PRKAR1B: variants seen among roughly 807,000 people sequenced by gnomAD.
PRKAR1B encodes cAMP-dependent protein kinase type I-beta regulatory subunit.
PRKAR1B carries 22 observed loss-of-function variants against 46.5 expected under a neutral mutation model. That is an observed-to-expected ratio of 0.47 (90% confidence interval 0.34 to 0.68). The LOEUF (loss-of-function observed/expected upper bound fraction) is 0.68. Among genes scored for constraint, PRKAR1B ranks in the 30% least tolerant of loss-of-function variants. The pLI, the probability that PRKAR1B is intolerant of heterozygous loss-of-function variation, is 0.01. For synonymous variants in PRKAR1B, 259 were observed against 217.7 expected, an observed-to-expected ratio of 1.19 and a Z score of -1.67; for missense variants, 445 against 535.6, an observed-to-expected ratio of 0.83 and a Z score of 1.67.
intron 3 of PRKAR1B, among the ~76,000 whole-genome samples, chr7:678,280 CAAAT>C (rs1001430992): frequency 6.6e-6 from 1 of 152,050 alleles, no homozygotes; most frequent in East Asian, 1.9e-4. Flanking sequence ...AAAAAATAAA[CAAAT>C]AAACATATCT....
chr7:660,560 C>G (rs1382005737), intron 4 of PRKAR1B, among the ~76,000 whole-genome samples: 1 of 110,296 alleles, frequency 9.1e-6, no homozygotes, highest in African/African-American at 3.6e-5. Context: ...GTCCAAATAC[C>G]TACTCTCCCC....
chr7:648,617 AC>A (rs1784740181), intron 4 of PRKAR1B, among the ~76,000 whole-genome samples: 2 of 151,966 alleles, frequency 1.3e-5, no homozygotes, highest in African/African-American at 4.8e-5. Flanking sequence ...TCTCAAAAAA[AC>A]AAACAAACAA....
intron 1 of PRKAR1B, among the ~76,000 whole-genome samples, chr7:720,452 T>C (rs1781034612): frequency 6.6e-6 from 1 of 152,270 alleles, no homozygotes; most frequent in Non-Finnish European, 1.5e-5. Context: ...GAAAATAATG[T>C]GAATTCTGCG....
At chr7:569,159 G>A (rs959203192) in intron 9 of PRKAR1B, among the ~76,000 whole-genome samples, 5 of 152,010 alleles carry the variant, frequency 3.3e-5, no homozygotes, top group African/African-American at 1.2e-4. Flanking sequence ...AAGACGCCTC[G>A]GCGTCCCTGT....
At chr7:637,626 G>T (rs548493537) in intron 4 of PRKAR1B, among the ~76,000 whole-genome samples, 23 of 152,216 alleles carry the variant, frequency 1.5e-4, no homozygotes, top group African/African-American at 5.3e-4. Flanking sequence ...CTGAGGTCAG[G>T]AGATCGAGAC....
rs369312041 is a variant in PRKAR1B, at chr7:557,053, G to A, written c.892-5583C>T. Among the ~76,000 whole-genome samples the A allele has an allele frequency of 7.0e-4, 106 of 152,304 alleles. No individual in the cohort carries two copies. The Middle Eastern group carries it at 0.01, about 15-fold the overall frequency. Reference sequence around the variant, plus strand: ...ACCAGGTGCGGCCCCTCCCACCCCCGGCCTGGGCCGGGCAGCTTCCGTTTC... The same window carrying A: ...ACCAGGTGCGGCCCCTCCCACCCCCAGCCTGGGCCGGGCAGCTTCCGTTTC... On this transcript the variant is annotated intron_variant, in intron 9 of 10. Coordinates refer to ENST00000537384, the MANE Select transcript of PRKAR1B (RefSeq NM_001164760.2).
intron 6 of PRKAR1B, among the ~76,000 whole-genome samples, chr7:601,563 C>T (rs151004877): frequency 6.6e-6 from 1 of 152,372 alleles, no homozygotes; most frequent in African/African-American, 2.4e-5. Flanking sequence ...ACCCTGCATG[C>T]GAAGGGCCTC....
At chr7:579,506 T>G in intron 8 of PRKAR1B, 129 bp from the exon 9 acceptor site, 4 of 1,198,256 alleles carry the variant, frequency 3.3e-6, no homozygotes, top group Non-Finnish European at 4.6e-6. Context: ...CCGTGACCAG[T>G]AAGCTGCATA....
intron 4 of PRKAR1B, among the ~76,000 whole-genome samples, chr7:662,266 C>T (rs1308923256): frequency 1.8e-5 from 2 of 111,874 alleles, no homozygotes; most frequent in Non-Finnish European, 3.6e-5. Context: ...TCCCCCACCC[C>T]AACGGGTCCA....
chr7:673,194 C>T (rs890719026), intron 4 of PRKAR1B, among the ~76,000 whole-genome samples: 6 of 151,828 alleles, frequency 4.0e-5, no homozygotes, highest in South Asian at 2.1e-4. Flanking sequence ...TCTAGCAAGG[C>T]GCAGCTGGGA....
At chr7:689,897 G>T (rs1779315491) in intron 2 of PRKAR1B, among the ~76,000 whole-genome samples, 1 of 151,024 alleles carries the variant, frequency 6.6e-6, no homozygotes, top group African/African-American at 2.4e-5. Context: ...TAACCAGGAT[G>T]GTCTCAATCT....
At chr7:562,829 A>ATGCTGACCCCCGGCCAGGATG (rs1778886327) in intron 9 of PRKAR1B, among the ~76,000 whole-genome samples, 1 of 151,828 alleles carries the variant, frequency 6.6e-6, no homozygotes, top group East Asian at 1.9e-4. Context: ...TCCCTCCACC[A>ATGCTGACCCCCGGCCAGGATG]TGCTGACCCC....
intron 9 of PRKAR1B, among the ~76,000 whole-genome samples, chr7:572,012 C>T (rs1194746817): frequency 2.0e-5 from 3 of 152,344 alleles, no homozygotes; most frequent in East Asian, 1.9e-4. Context: ...GCCACAGGAC[C>T]GAGGACTCTG....
chr7:720,259 T>C (rs1440543097), intron 1 of PRKAR1B, among the ~76,000 whole-genome samples: 1 of 152,170 alleles, frequency 6.6e-6, no homozygotes, highest in Non-Finnish European at 1.5e-5. Context: ...GATTTCTCCA[T>C]GTTGGCCAGG....
At chr7:630,104 C>T (rs1783649799) in intron 4 of PRKAR1B, among the ~76,000 whole-genome samples, 1 of 152,230 alleles carries the variant, frequency 6.6e-6, no homozygotes, top group African/African-American at 2.4e-5. Context: ...TTTCTTTCCA[C>T]GGCTGCTGCT....
intron 2 of PRKAR1B, among the ~76,000 whole-genome samples, chr7:698,401 T>C (rs1359359007): frequency 1.3e-5 from 2 of 152,082 alleles, no homozygotes; most frequent in African/African-American, 4.8e-5. Context: ...CATGACTCTA[T>C]GTGTGCACAT....
intron 7 of PRKAR1B, among the ~76,000 whole-genome samples, chr7:585,285 T>C (rs1284180970): frequency 6.6e-6 from 1 of 152,152 alleles, no homozygotes; most frequent in Non-Finnish European, 1.5e-5. Context: ...AGCTCCAGCC[T>C]GGTGTGCAGA....
At chr7:627,742 C>G (rs1240137565) in intron 4 of PRKAR1B, among the ~76,000 whole-genome samples, 2 of 151,206 alleles carry the variant, frequency 1.3e-5, no homozygotes, top group Admixed American at 6.6e-5. Context: ...CCGCCCTCCC[C>G]GGGCACTGGG....
At chr7:580,914 G>C (rs561886800) in intron 8 of PRKAR1B, among the ~76,000 whole-genome samples, 1 of 152,244 alleles carries the variant, frequency 6.6e-6, no homozygotes, top group East Asian at 1.9e-4. Flanking sequence ...AAAGGAAAAT[G>C]CTTCCCACGA....
Sources: gnomAD v4.1 joint callset for allele counts (sites outside exome capture counted in the v4.1 genomes callset) on GRCh38, gnomAD v4.1.1 for gene constraint, MANE v1.5 for transcripts, NCBI Gene and HGNC (gene_info 2026-07-23, HGNC 2026-07-21) for gene names.